The following SARDH variants were observed in gnomAD, a reference collection of about 807,000 sequenced individuals.
The protein encoded by SARDH is sarcosine dehydrogenase, mitochondrial.
Under a neutral mutation model 109.1 loss-of-function variants are expected in SARDH, and 95 were observed. The observed-to-expected ratio is 0.87, with a 90% CI of 0.74 to 1.03. The LOEUF is 1.03. Among genes scored for constraint, SARDH ranks in the 50% least tolerant of loss-of-function variants. The pLI, the probability that SARDH is intolerant of heterozygous loss-of-function variation, is 0.00. For missense variants in SARDH, 1,267 were observed against 1,287.8 expected (o/e 0.98, Z 0.25); for synonymous variants, 572 against 534.8 (o/e 1.07, Z -0.96).
intron 8 of SARDH, among the ~76,000 whole-genome samples, chr9:133,717,044 C>T (rs1832148320): frequency 6.6e-6 from 1 of 152,154 alleles, no homozygotes; most frequent in Non-Finnish European, 1.5e-5. Flanking sequence ...TGAAGAAGCC[C>T]AGGTGGGGAA....
intron 6 of SARDH, among the ~76,000 whole-genome samples, chr9:133,724,388 T>C (rs1037890134): frequency 3.3e-5 from 5 of 152,066 alleles, no homozygotes; most frequent in African/African-American, 9.7e-5. Flanking sequence ...GATACACAAA[T>C]AGTCAGTAAG....
chr9:133,727,571 T>C (rs1161636242), intron 6 of SARDH, among the ~76,000 whole-genome samples: 1 of 152,210 alleles, frequency 6.6e-6, no homozygotes, highest in Non-Finnish European at 1.5e-5. Context: ...ACCAACTGCC[T>C]AGCTGCAGCC....
intron 16 of SARDH, among the ~76,000 whole-genome samples, chr9:133,685,886 T>C (rs1283725564): frequency 6.6e-6 from 1 of 152,308 alleles, no homozygotes; most frequent in East Asian, 1.9e-4. Flanking sequence ...CTCTGTTCCC[T>C]GACCTAACCC....
intron 17 of SARDH, among the ~76,000 whole-genome samples, chr9:133,683,968 C>T (rs115689738): frequency 0.017 from 2,515 of 152,328 alleles, 65 homozygotes; most frequent in African/African-American, 0.056. Flanking sequence ...TTTAGCCGGG[C>T]GGCCCTGAGC....
chr9:133,679,403 T>G (rs973551962), intron 17 of SARDH, among the ~76,000 whole-genome samples: 20 of 152,254 alleles, frequency 1.3e-4, no homozygotes, highest in African/African-American at 4.8e-4. Flanking sequence ...CGACTAGGAC[T>G]TCTCGCTGTC....
chr9:133,705,871 G>A (rs529864279), intron 11 of SARDH, among the ~76,000 whole-genome samples: 11 of 152,320 alleles, frequency 7.2e-5, no homozygotes, highest in Non-Finnish European at 1.3e-4. Context: ...GCCCTTATAG[G>A]AGGAGGAAGC....
chr9:133,671,411 G>A, intron 18 of SARDH, 124 bp downstream of exon 18: 2 of 1,266,616 alleles, frequency 1.6e-6, no homozygotes, highest in Non-Finnish European at 1.1e-6. Flanking sequence ...TCATGGTGTG[G>A]AAAGAAGGAA....
intron 17 of SARDH, among the ~76,000 whole-genome samples, chr9:133,676,385 G>T (rs557933288): frequency 1.3e-5 from 2 of 152,306 alleles, no homozygotes; most frequent in South Asian, 4.1e-4. Context: ...CCTCAATGGG[G>T]ACAGAGCTTC....
chr9:133,664,326 G>A (rs1033562278), intron 20 of SARDH, among the ~76,000 whole-genome samples: 5 of 152,356 alleles, frequency 3.3e-5, no homozygotes, highest in South Asian at 2.1e-4. Flanking sequence ...GCAGCAACAC[G>A]GTGGCTTCCC....
chr9:133,689,059 A>G (rs129906), intron 16 of SARDH, among the ~76,000 whole-genome samples: 56,373 of 152,014 alleles, frequency 0.37, 10,707 homozygotes, highest in Admixed American at 0.45. Flanking sequence ...CCCATGGCAG[A>G]GTCTGGGCAC....
chr9:133,717,022 C>G (rs1832147432), intron 8 of SARDH, among the ~76,000 whole-genome samples: 1 of 152,188 alleles, frequency 6.6e-6, no homozygotes, highest in Admixed American at 6.5e-5. Context: ...AGGGACAAGT[C>G]AAGTCTAGGG....
At chr9:133,685,008 C>G (rs973952740) in intron 17 of SARDH, among the ~76,000 whole-genome samples, 185 bp downstream of exon 17, 1 of 152,180 alleles carries the variant, frequency 6.6e-6, no homozygotes, top group Non-Finnish European at 1.5e-5. Flanking sequence ...CACATGACCT[C>G]TCCAAGCTCC....
At position 133,710,974 on chromosome 9, in the gene SARDH, C is replaced by T. The variant is rs529153808; in HGVS notation, c.1328+1645G>A. Among the ~76,000 whole-genome samples the T allele has an allele frequency of 7.9e-5, 12 of 152,348 alleles. No homozygotes were observed. In the South Asian group the frequency reaches 2.1e-3, roughly 26 times the overall value. On this transcript the variant is annotated intron_variant, in intron 10 of 20. Coordinates refer to ENST00000439388, the MANE Select transcript of SARDH (RefSeq NM_001134707.2). ...TCCAGGGTGGGTGCTCCTCCTCCTG[C>T]TGTACTCCAGCTCTCAGGGGCTCCC...
intron 13 of SARDH, among the ~76,000 whole-genome samples, chr9:133,696,808 C>T (rs1333445310): frequency 6.6e-6 from 1 of 152,132 alleles, no homozygotes; most frequent in African/African-American, 2.4e-5. Context: ...CACACAACCA[C>T]TTATGAGATG....
chr9:133,691,674 G>C (rs957274409), intron 15 of SARDH, among the ~76,000 whole-genome samples: 2 of 152,188 alleles, frequency 1.3e-5, no homozygotes, highest in East Asian at 3.8e-4. Context: ...TGATCACATT[G>C]TGTAAATCAT....
At chr9:133,694,119 G>T in intron 15 of SARDH, 139 bp downstream of exon 15, 1 of 649,326 alleles carries the variant, frequency 1.5e-6, no homozygotes, top group Non-Finnish European at 2.6e-6. Flanking sequence ...TAATCTCCCA[G>T]CTCTGACCAC....
At chr9:133,670,467 G>T (rs576244681) in intron 19 of SARDH, 117 bp downstream of exon 19, 8 of 1,160,500 alleles carry the variant, frequency 6.9e-6, no homozygotes, top group Non-Finnish European at 9.7e-6. Flanking sequence ...GGAAGAGCAT[G>T]GCTGGCACAT....
rs371301209 is a variant in SARDH, at chr9:133,675,171, C to T, written c.2164-3474G>A. ...CCACCCTGGCCAACATAGTGAAACCCTGTTTCCATTAAAAATATTTAAAAA... is the reference window on the plus strand; with the variant it reads ...CCACCCTGGCCAACATAGTGAAACCTTGTTTCCATTAAAAATATTTAAAAA... On this transcript the variant is annotated intron_variant, in intron 17 of 20. Coordinates refer to ENST00000439388, the MANE Select transcript of SARDH (RefSeq NM_001134707.2). Among the ~76,000 whole-genome samples the T allele has an allele frequency of 3.0e-4, 46 of 152,092 alleles. No individual in the cohort carries two copies. In the South Asian group the frequency reaches 6.9e-3, roughly 23 times the overall value.
At chr9:133,678,942 A>G (rs534863637) in intron 17 of SARDH, among the ~76,000 whole-genome samples, 1 of 152,332 alleles carries the variant, frequency 6.6e-6, no homozygotes, top group East Asian at 1.9e-4. Context: ...CAAGGGCAAG[A>G]TGAGAACCTG....
Sources: gnomAD v4.1 joint callset for allele counts (sites outside exome capture counted in the v4.1 genomes callset) on GRCh38, gnomAD v4.1.1 for gene constraint, MANE v1.5 for transcripts, NCBI Gene and HGNC (gene_info 2026-07-23, HGNC 2026-07-21) for gene names.